The following SRPK2 variants were observed in gnomAD, a reference collection of about 807,000 sequenced individuals.
SRPK2 encodes SRSF protein kinase 2, also known as SFRS protein kinase 2.
SRPK2 carries 21 observed loss-of-function variants against 90.8 expected under a neutral mutation model. The ratio of observed to expected loss-of-function variants is 0.23; its 90% CI spans 0.16 to 0.33. SRPK2 has a LOEUF of 0.33. Ranked by LOEUF, SRPK2 falls within the 10% of genes least tolerant of loss-of-function variation. The pLI is 1.00. For missense variants in SRPK2, 620 were observed against 869.0 expected (o/e 0.71, Z 3.60); for synonymous variants, 288 against 311.1 (o/e 0.93, Z 0.78).
chr7:105,386,996 C>T lies in SRPK2; in HGVS notation c.71+1652G>A, dbSNP rs546072833. On this transcript the variant is annotated intron_variant, in intron 2 of 15. Transcript: ENST00000393651. ...CATACCACATAAATCCAAACTGCGG[C>T]CCACCAAAAAGGCCCTCGACCATTA... Among the ~76,000 whole-genome samples the T allele has an allele frequency of 4.0e-4, 61 of 152,276 alleles. 2 individuals are homozygous for T. The highest frequency in any genetic ancestry group is 3.4e-3 in the Middle Eastern group (1 of 294).
At chr7:105,190,491 T>G (rs1563060039) in intron 3 of SRPK2, among the ~76,000 whole-genome samples, 1 of 152,156 alleles carries the variant, frequency 6.6e-6, no homozygotes, top group African/African-American at 2.4e-5. Flanking sequence ...TGCATCCTTT[T>G]TTTGTTTGTT....
intron 2 of SRPK2, among the ~76,000 whole-genome samples, chr7:105,263,636 A>C (rs1190364702): frequency 6.6e-6 from 1 of 152,196 alleles, no homozygotes; most frequent in African/African-American, 2.4e-5. Flanking sequence ...AAAACCCCAA[A>C]TGAATCACAG....
intron 2 of SRPK2, among the ~76,000 whole-genome samples, chr7:105,260,430 T>C (rs1280045629): frequency 1.3e-5 from 2 of 152,228 alleles, no homozygotes; most frequent in Non-Finnish European, 2.9e-5. Context: ...TTTACACTGT[T>C]AGTGGGAGTG....
intron 7 of SRPK2, among the ~76,000 whole-genome samples, chr7:105,152,548 C>T (rs80090652): frequency 7.9e-5 from 12 of 152,268 alleles, no homozygotes; most frequent in South Asian, 2.1e-4. Context: ...CCAACATTGA[C>T]GAGAACTCCT....
chr7:105,161,299 T>C (rs1807611684), intron 6 of SRPK2, among the ~76,000 whole-genome samples: 1 of 152,236 alleles, frequency 6.6e-6, no homozygotes, highest in Admixed American at 6.5e-5. Flanking sequence ...AAATAGTTGT[T>C]ATACTCTATT....
chr7:105,182,316 CG>C (rs1324942008), intron 3 of SRPK2, among the ~76,000 whole-genome samples: 1 of 150,728 alleles, frequency 6.6e-6, no homozygotes, highest in Non-Finnish European at 1.5e-5. Context: ...GATAGCATGA[CG>C]ACAAGCACAG....
intron 2 of SRPK2, among the ~76,000 whole-genome samples, chr7:105,352,840 G>A (rs1012563161): frequency 6.6e-6 from 1 of 152,094 alleles, no homozygotes; most frequent in Non-Finnish European, 1.5e-5. Flanking sequence ...GATGGAGGTT[G>A]CATGAGCCAA....
intron 13 of SRPK2, among the ~76,000 whole-genome samples, chr7:105,128,326 A>T (rs1333042600): frequency 1.3e-5 from 2 of 152,188 alleles, no homozygotes; most frequent in South Asian, 2.1e-4. Flanking sequence ...GTCACATCTC[A>T]GCATGGTGAG....
intron 2 of SRPK2, among the ~76,000 whole-genome samples, chr7:105,217,716 G>A (rs1797632763): frequency 6.6e-6 from 1 of 152,090 alleles, no homozygotes; most frequent in Non-Finnish European, 1.5e-5. Flanking sequence ...TACTTACAAA[G>A]CTCAAACTAT....
intron 13 of SRPK2, among the ~76,000 whole-genome samples, chr7:105,128,760 G>A (rs914893259): frequency 2.6e-5 from 4 of 152,066 alleles, no homozygotes; most frequent in Non-Finnish European, 2.9e-5. Flanking sequence ...AAGGGACCTC[G>A]CTATGTTGTC....
chr7:105,370,104 T>C (rs1185436306), intron 2 of SRPK2, among the ~76,000 whole-genome samples: 4 of 152,272 alleles, frequency 2.6e-5, no homozygotes, highest in East Asian at 3.9e-4. Flanking sequence ...CTTTGTACCC[T>C]GGATGTTAGA....
chr7:105,280,666 G>T (rs549909302), intron 2 of SRPK2, among the ~76,000 whole-genome samples: 1,657 of 148,954 alleles, frequency 0.011, 45 homozygotes, highest in African/African-American at 0.039. Context: ...AGGGGGGGGG[G>T]GCCGGGCACA....
In SRPK2 at chr7:105,150,060, A is replaced by C. The variant is rs117200858; in HGVS notation, c.622-3402T>G. The stretch of plus-strand genomic sequence containing the variant: ...GGTGGGGTAATTGGCCAAAAAAAAA[A>C]CCAAGATGAATCATGGGCATGGCAA... On this transcript the variant is annotated intron_variant, in intron 7 of 15. Transcript: ENST00000393651. 3.0e-3 allele frequency among the ~76,000 whole-genome samples: 461 copies of C among 152,240 alleles called. 13 individuals carry two copies. The East Asian group carries it at 0.061, about 20-fold the overall frequency.
At chr7:105,142,991 A>G in intron 10 of SRPK2, 93 bp downstream of exon 10, 1 of 1,486,850 alleles carries the variant, frequency 6.7e-7, no homozygotes, top group Non-Finnish European at 9.0e-7. Flanking sequence ...CATCTGCAGC[A>G]GCAGCACAAA....
chr7:105,247,185 T>C (rs1488614742), intron 2 of SRPK2, among the ~76,000 whole-genome samples: 1 of 152,188 alleles, frequency 6.6e-6, no homozygotes, highest in African/African-American at 2.4e-5. Context: ...TCCAAGGTCT[T>C]TTCTCCAGCT....
intron 2 of SRPK2, among the ~76,000 whole-genome samples, chr7:105,364,113 A>G (rs988695589): frequency 1.3e-5 from 2 of 152,156 alleles, no homozygotes; most frequent in African/African-American, 4.8e-5. Flanking sequence ...CAGCAAACCA[A>G]CATGGCACAT....
chr7:105,168,131 A>G (rs1359645265), intron 4 of SRPK2, 36 bp from the exon 5 acceptor site: 12 of 1,506,270 alleles, frequency 8.0e-6, no homozygotes, highest in Middle Eastern at 1.7e-4. Flanking sequence ...CTATTTATCT[A>G]TATTATCAGT....
intron 2 of SRPK2, chr7:105,244,796 G>T (rs534018907): frequency 1.0e-6 from 1 of 967,354 alleles, no homozygotes; most frequent in Non-Finnish European, 1.7e-6. Context: ...GGAGGCATGT[G>T]GCTTCGCCCC....
chr7:105,325,585 C>G (rs928702452), intron 2 of SRPK2, among the ~76,000 whole-genome samples: 1 of 133,178 alleles, frequency 7.5e-6, no homozygotes, highest in Non-Finnish European at 1.5e-5. Flanking sequence ...CAACTGGATA[C>G]AGTGGCTCAC....
Sources: gnomAD v4.1 joint callset for allele counts (sites outside exome capture counted in the v4.1 genomes callset) on GRCh38, gnomAD v4.1.1 for gene constraint, MANE v1.5 for transcripts, NCBI Gene and HGNC (gene_info 2026-07-23, HGNC 2026-07-21) for gene names.